The following PACRG variants were observed in gnomAD, a reference collection of about 807,000 sequenced individuals.
PACRG encodes the protein parkin coregulated gene protein.
In PACRG, 29 loss-of-function variants were observed where a neutral mutation model predicts 29.7. That is an observed-to-expected ratio of 0.98 (90% confidence interval 0.73 to 1.33). PACRG has a LOEUF of 1.33. PACRG is among the 40% of genes most tolerant of loss of function. The probability of loss-of-function intolerance (pLI) is 0.00; values close to 1 mark genes in which losing one functional copy is unlikely to be tolerated. For synonymous variants in PACRG, 116 were observed against 118.7 expected (o/e 0.98, Z 0.15); for missense variants, 279 against 316.2 (o/e 0.88, Z 0.89).
intron 2 of PACRG, among the ~76,000 whole-genome samples, chr6:162,878,223 A>G (rs1016101082): frequency 6.6e-6 from 1 of 152,198 alleles, no homozygotes; most frequent in Non-Finnish European, 1.5e-5. Context: ...TCACATTTTT[A>G]CAACATAATT....
chr6:163,006,059 C>CAT (rs1159832351), intron 2 of PACRG, among the ~76,000 whole-genome samples: 15 of 141,294 alleles, frequency 1.1e-4, no homozygotes, highest in Middle Eastern at 5.0e-3. Context: ...CTATGTATAA[C>CAT]ATATATATAA....
rs143605907 is a variant in PACRG at position 162,911,103 on chromosome 6, C to T, written c.291+96822C>T. Among the ~76,000 whole-genome samples, 185 of 152,282 alleles carry T rather than the reference C, an allele frequency of 1.2e-3. 1 individual carries two copies. Among genetic ancestry groups the T allele is most frequent in the African/African-American group, 4.4e-3 (181 of 41,568 alleles). On this transcript the variant is annotated intron_variant, in intron 2 of 4. Transcript: ENST00000366888. ...TCTAAGTCATGATGCGCATCTGCATCGATATCAATTTGTTTTCATTAACTT... is the reference window on the plus strand; with the variant it reads ...TCTAAGTCATGATGCGCATCTGCATTGATATCAATTTGTTTTCATTAACTT...
At chr6:163,133,435 C>A (rs1320528923) in intron 4 of PACRG, among the ~76,000 whole-genome samples, 2 of 152,146 alleles carry the variant, frequency 1.3e-5, no homozygotes, top group Non-Finnish European at 2.9e-5. Context: ...TGTGTATAAT[C>A]CCCAAGCAAA....
At chr6:162,955,007 T>G (rs1009711494) in intron 2 of PACRG, among the ~76,000 whole-genome samples, 9 of 152,224 alleles carry the variant, frequency 5.9e-5, no homozygotes, top group African/African-American at 1.7e-4. Context: ...GCTGGGTAAC[T>G]AGACGTATAT....
At chr6:162,894,408 T>TG (rs1795011325) in intron 2 of PACRG, among the ~76,000 whole-genome samples, 1 of 152,238 alleles carries the variant, frequency 6.6e-6, no homozygotes, top group Admixed American at 6.5e-5. Context: ...TTTGTATCAT[T>TG]ATGTGATCAT....
intron 2 of PACRG, among the ~76,000 whole-genome samples, chr6:162,858,299 A>G (rs1264167045): frequency 6.6e-6 from 1 of 152,136 alleles, no homozygotes; most frequent in Non-Finnish European, 1.5e-5. Flanking sequence ...GAGATAGAGA[A>G]GGCGGAAGTG....
intron 2 of PACRG, among the ~76,000 whole-genome samples, chr6:162,822,973 T>C (rs1787970636): frequency 6.6e-6 from 1 of 152,194 alleles, no homozygotes; most frequent in African/African-American, 2.4e-5. Flanking sequence ...TCTCATTTTC[T>C]GTAGAAATTC....
intron 1 of PACRG, among the ~76,000 whole-genome samples, chr6:162,752,906 C>A (rs1781619086): frequency 1.3e-5 from 2 of 152,050 alleles, no homozygotes; most frequent in Admixed American, 6.6e-5. Context: ...CCACCATATA[C>A]TTTATTTTTC....
chr6:163,023,091 T>G (rs1384324136), intron 2 of PACRG, among the ~76,000 whole-genome samples: 1 of 152,226 alleles, frequency 6.6e-6, no homozygotes, highest in Non-Finnish European at 1.5e-5. Context: ...AATCTCAACT[T>G]TTATTTAGAT....
At chr6:163,202,461 G>A (rs1780744029) in intron 4 of PACRG, among the ~76,000 whole-genome samples, 1 of 152,122 alleles carries the variant, frequency 6.6e-6, no homozygotes, top group Non-Finnish European at 1.5e-5. Flanking sequence ...ACATATGTAT[G>A]TGTGCGTGTA....
chr6:162,775,305 A>G (rs1282085656), intron 1 of PACRG, among the ~76,000 whole-genome samples: 1 of 152,194 alleles, frequency 6.6e-6, no homozygotes, highest in Admixed American at 6.5e-5. Flanking sequence ...TTTTGTTATG[A>G]CAGCCTAAAC....
intron 2 of PACRG, among the ~76,000 whole-genome samples, chr6:162,995,030 G>T (rs906368012): frequency 2.0e-5 from 3 of 151,052 alleles, no homozygotes; most frequent in Admixed American, 6.6e-5. Context: ...CCTGCTGGGG[G>T]GTGCCTCCCA....
At chr6:163,004,081 A>G (rs2128202633) in intron 2 of PACRG, among the ~76,000 whole-genome samples, 1 of 152,282 alleles carries the variant, frequency 6.6e-6, no homozygotes, top group African/African-American at 2.4e-5. Context: ...TACAAAAAAA[A>G]TTCTCTTCCA....
chr6:162,936,073 A>G (rs1798213681), intron 2 of PACRG, among the ~76,000 whole-genome samples: 1 of 152,204 alleles, frequency 6.6e-6, no homozygotes, highest in South Asian at 2.1e-4. Context: ...GGCAGAAGGC[A>G]AAAGGCACTT....
At chr6:162,762,589 A>G (rs1442589120) in intron 1 of PACRG, among the ~76,000 whole-genome samples, 1 of 152,220 alleles carries the variant, frequency 6.6e-6, no homozygotes, top group Non-Finnish European at 1.5e-5. Flanking sequence ...AGGCTTTAGA[A>G]AACGATGTCT....
chr6:163,193,118 A>G (rs1293984441), intron 4 of PACRG, among the ~76,000 whole-genome samples: 2 of 152,236 alleles, frequency 1.3e-5, no homozygotes, highest in Non-Finnish European at 2.9e-5. Context: ...TATAAAAATA[A>G]ATTTCAAGCA....
At chr6:163,036,652 T>C (rs1808214902) in intron 2 of PACRG, among the ~76,000 whole-genome samples, 1 of 152,210 alleles carries the variant, frequency 6.6e-6, no homozygotes, top group Admixed American at 6.5e-5. Context: ...ATGAGGGATT[T>C]AAAGTCACAC....
At chr6:163,269,571 GT>G (rs1783656138) in intron 4 of PACRG, among the ~76,000 whole-genome samples, 1 of 152,012 alleles carries the variant, frequency 6.6e-6, no homozygotes, top group South Asian at 2.1e-4. Context: ...GTTATCTGAA[GT>G]TAGTTTCCAC....
intron 2 of PACRG, among the ~76,000 whole-genome samples, chr6:162,854,889 G>A (rs948663041): frequency 3.9e-5 from 6 of 152,180 alleles, no homozygotes; most frequent in African/African-American, 1.4e-4. Context: ...AGTCCCTTTG[G>A]AGGTGCACAG....
Sources: gnomAD v4.1 joint callset for allele counts (sites outside exome capture counted in the v4.1 genomes callset) on GRCh38, gnomAD v4.1.1 for gene constraint, MANE v1.5 for transcripts, NCBI Gene and HGNC (gene_info 2026-07-23, HGNC 2026-07-21) for gene names.